The following CNOT6L variants were observed in gnomAD, a reference collection of about 807,000 sequenced individuals.
CNOT6L encodes CCR4-NOT transcription complex subunit 6 like.
In CNOT6L, 7 loss-of-function variants were observed where a neutral mutation model predicts 64.0. The ratio of observed to expected loss-of-function variants is 0.11; its 90% confidence interval spans 0.06 to 0.21. The LOEUF is 0.21. Ranked by LOEUF, CNOT6L falls within the 10% of genes least tolerant of loss-of-function variation. The pLI is 1.00. For synonymous variants in CNOT6L, 193 were observed against 243.4 expected (o/e 0.79, Z 1.93); for missense variants, 245 against 669.0 (o/e 0.37, Z 6.99).
rs1031728199 is a variant in CNOT6L, at chr4:77,716,229, G to GTCTT, written c.*4198_*4201dup. 1.3e-5 allele frequency: 2 copies of GTCTT among 152,024 alleles called. No individual in the cohort carries two copies. Among genetic ancestry groups the GTCTT allele is most frequent in the African/African-American group, 4.8e-5 (2 of 41,428 alleles). The allele number at this position is 152,024 out of a possible 1,614,324, so 9.4% of individuals were successfully genotyped here. Reference sequence around the variant, plus strand: ...TGCTATTTTGAAAATGTGCCATAAAGTCTTTGCTTGCTATAAAAACCATTA... The same window carrying GTCTT: ...TGCTATTTTGAAAATGTGCCATAAAGTCTTTCTTTGCTTGCTATAAAAACCATTA... On this transcript the variant is annotated 3_prime_UTR_variant, in exon 12 of 12. Coordinates refer to ENST00000504123, the MANE Select transcript of CNOT6L (RefSeq NM_144571.3).
chr4:77,754,723 G>A (rs1261040606), intron 5 of CNOT6L, among the ~76,000 whole-genome samples: 1 of 150,706 alleles, frequency 6.6e-6, no homozygotes, highest in African/African-American at 2.4e-5. Context: ...TCATGGAAGA[G>A]AATAAAGAAT....
chr4:77,725,581 C>G (rs933656398), intron 11 of CNOT6L, among the ~76,000 whole-genome samples: 5 of 152,076 alleles, frequency 3.3e-5, no homozygotes, highest in African/African-American at 9.7e-5. Flanking sequence ...AAATGTCTTT[C>G]TTTTCCTTTT....
In CNOT6L at chr4:77,720,333, G is replaced by A. The variant is rs1721150196; in HGVS notation, c.*98C>T. ...CACATAATGAAAGAAACCTGAAGAA[G>A]CAGCTTAAGGATGGCCATACTTCAC... On this transcript the variant is annotated 3_prime_UTR_variant, in exon 12 of 12. Transcript: ENST00000504123. The A allele has an allele frequency of 2.4e-6, 3 of 1,269,172 alleles. No individual in the cohort carries two copies. The highest frequency in any genetic ancestry group is 3.3e-6 in the Non-Finnish European group (3 of 900,534). The allele number at this position is 1,269,172 out of a possible 1,614,324, so 78.6% of individuals were successfully genotyped here.
intron 4 of CNOT6L, among the ~76,000 whole-genome samples, chr4:77,770,375 A>G (rs1170425131): frequency 2.0e-5 from 3 of 152,182 alleles, no homozygotes; most frequent in Non-Finnish European, 4.4e-5. Flanking sequence ...GTACCATAAT[A>G]TGGCTAATAA....
At chr4:77,732,351 T>C (rs927584567) in intron 8 of CNOT6L, among the ~76,000 whole-genome samples, 4 of 152,126 alleles carry the variant, frequency 2.6e-5, no homozygotes, top group African/African-American at 9.6e-5. Flanking sequence ...CCTTTTTCAG[T>C]CTAATTTTAT....
Position 77,779,046 on chromosome 4 carries a change from C to CAAAAAAAAAA in CNOT6L, c.6-2664_6-2655dup, listed in dbSNP as rs747920305. On this transcript the variant is annotated intron_variant, in intron 1 of 11. Transcript: ENST00000504123. Reference sequence around the variant, plus strand: ...TAGGTGACAGAGCGAGACTCTGTCTCAAAAAAAAAAAAAAAACAAAAAAAA... The same window carrying CAAAAAAAAAA: ...TAGGTGACAGAGCGAGACTCTGTCTCAAAAAAAAAAAAAAAAAAAAAAAAAACAAAAAAAA... Among the ~76,000 whole-genome samples the CAAAAAAAAAA allele has an allele frequency of 2.4e-3, 164 of 67,116 alleles. 4 individuals are homozygous for CAAAAAAAAAA. The highest frequency in any genetic ancestry group is 6.0e-3 in the East Asian group (11 of 1,836). 44.0% of individuals were successfully genotyped at this position (67,116 alleles called of 152,430 possible).
intron 8 of CNOT6L, chr4:77,731,881 CT>C (rs913469999): frequency 1.7e-5 from 3 of 180,392 alleles, no homozygotes; most frequent in African/African-American, 2.3e-5. Flanking sequence ...CAGTTCTGGA[CT>C]GCCTATTTCT....
intron 4 of CNOT6L, among the ~76,000 whole-genome samples, chr4:77,759,140 T>A (rs1725886560): frequency 6.6e-6 from 1 of 151,904 alleles, no homozygotes; most frequent in Non-Finnish European, 1.5e-5. Flanking sequence ...CTGCAAATTT[T>A]CAAAAACCAG....
At chr4:77,728,817 G>A (rs1722147826) in intron 10 of CNOT6L, 37 bp downstream of exon 10, 1 of 1,544,330 alleles carries the variant, frequency 6.5e-7, no homozygotes, top group Admixed American at 1.7e-5. Flanking sequence ...GAGTAAAAGT[G>A]AAATTGAAAG....
intron 1 of CNOT6L, among the ~76,000 whole-genome samples, chr4:77,786,564 C>G (rs1729470519): frequency 6.6e-6 from 1 of 152,076 alleles, no homozygotes; most frequent in African/African-American, 2.4e-5. Flanking sequence ...GTCTTGACCT[C>G]CTGGGTGTTA....
intron 1 of CNOT6L, among the ~76,000 whole-genome samples, chr4:77,793,362 C>A (rs1278939551): frequency 6.6e-6 from 1 of 152,174 alleles, no homozygotes; most frequent in African/African-American, 2.4e-5. Flanking sequence ...TGAGCACCAA[C>A]CATGTGACAA....
At chr4:77,817,241 CTA>C (rs1427217269) in intron 1 of CNOT6L, among the ~76,000 whole-genome samples, 14 of 151,908 alleles carry the variant, frequency 9.2e-5, no homozygotes, top group Non-Finnish European at 4.4e-5. Flanking sequence ...TTAAGTATGA[CTA>C]TTTTTATAAA....
intron 4 of CNOT6L, among the ~76,000 whole-genome samples, chr4:77,768,741 A>G (rs1393068539): frequency 6.6e-6 from 1 of 152,020 alleles, no homozygotes; most frequent in African/African-American, 2.4e-5. Flanking sequence ...AATGTAAATT[A>G]AGAGTACAGT....
chr4:77,814,945 A>G (rs967008254), intron 1 of CNOT6L, among the ~76,000 whole-genome samples: 1 of 152,182 alleles, frequency 6.6e-6, no homozygotes, highest in African/African-American at 2.4e-5. Context: ...ACAAAGCATG[A>G]GCACAAATTA....
intron 8 of CNOT6L, among the ~76,000 whole-genome samples, chr4:77,739,356 C>T (rs1348323646): frequency 6.6e-6 from 1 of 152,104 alleles, no homozygotes; most frequent in Non-Finnish European, 1.5e-5. Flanking sequence ...AGTTTTGTAA[C>T]CTCTACAAAA....
At chr4:77,798,991 A>G (rs781493202) in intron 1 of CNOT6L, among the ~76,000 whole-genome samples, 1 of 152,108 alleles carries the variant, frequency 6.6e-6, no homozygotes, top group Non-Finnish European at 1.5e-5. Flanking sequence ...AAAAAGAAAA[A>G]AAGTTAAATA....
rs763896530 is a variant in CNOT6L at position 77,726,335 on chromosome 4, A to G, written c.1287T>C (p.Ala429=). The change falls in exon 11 of 12, where the codon GCT becomes GCC. Residue 429 remains alanine, a synonymous_variant. Transcript: ENST00000504123. The stretch of plus-strand genomic sequence containing the variant: ...GTTCCTTGAAGTCTTTATGGTTGTC[A>G]GCTACTCCTCCATTGCTTAAGTATT... ...VVEYLSNGGV[A]DNHKDFKELR... is the part of the protein sequence containing the mutation. 1.2e-6 allele frequency: 2 copies of G among 1,613,470 alleles called. No individual in the cohort carries two copies. Among genetic ancestry groups the G allele is most frequent in the Admixed American group, 3.3e-5 (2 of 59,954 alleles).
intron 4 of CNOT6L, among the ~76,000 whole-genome samples, chr4:77,771,504 C>G (rs1386905827): frequency 6.6e-6 from 1 of 152,116 alleles, no homozygotes; most frequent in African/African-American, 2.4e-5. Context: ...TGAAATGTCT[C>G]AACAGTACAA....
chr4:77,767,368 C>T lies in CNOT6L; in HGVS notation c.400+5713G>A, dbSNP rs76523690. Reference sequence around the variant, plus strand: ...GTTTCTTATGTATGAGGAAGAGCCACGGTGCCCAAATTGTCAAAACACTGC... The same window carrying T: ...GTTTCTTATGTATGAGGAAGAGCCATGGTGCCCAAATTGTCAAAACACTGC... On this transcript the variant is annotated intron_variant, in intron 4 of 11. Transcript: ENST00000504123. 1.1e-4 allele frequency among the ~76,000 whole-genome samples: 16 copies of T among 152,102 alleles called. No homozygotes were observed. The East Asian group carries it at 3.1e-3, about 29-fold the overall frequency.
Sources: gnomAD v4.1 joint callset for allele counts (sites outside exome capture counted in the v4.1 genomes callset) on GRCh38, gnomAD v4.1.1 for gene constraint, MANE v1.5 for transcripts, NCBI Gene and HGNC (gene_info 2026-07-23, HGNC 2026-07-21) for gene names.